The following MYT1 variants were observed in gnomAD, a reference collection of about 807,000 sequenced individuals.
MYT1 encodes the protein myelin transcription factor I.
In MYT1, 23 loss-of-function variants were observed where a neutral mutation model predicts 123.0. That is an observed-to-expected ratio of 0.19 (90% CI 0.13 to 0.26). MYT1 has a LOEUF of 0.26. Among genes scored for constraint, MYT1 ranks in the 10% least tolerant of loss-of-function variants. The pLI, the probability that MYT1 is intolerant of heterozygous loss-of-function variation, is 1.00. For synonymous variants in MYT1, 518 were observed against 575.3 expected (o/e 0.90, Z 1.43); for missense variants, 1,125 against 1,472.5 (o/e 0.76, Z 3.86).
At chr20:64,224,335 C>G (rs1984103516) in intron 16 of MYT1, among the ~76,000 whole-genome samples, 1 of 152,170 alleles carries the variant, frequency 6.6e-6, no homozygotes, top group Non-Finnish European at 1.5e-5. Context: ...ACTGGTGCCT[C>G]TAAGATGAGG....
intron 21 of MYT1, among the ~76,000 whole-genome samples, chr20:64,239,054 G>A (rs1775371085): frequency 1.3e-5 from 2 of 152,222 alleles, no homozygotes; most frequent in African/African-American, 4.8e-5. Flanking sequence ...CACCCACACT[G>A]TCTTTCTGTG....
chr20:64,215,429 A>C (rs1983807342), intron 10 of MYT1, among the ~76,000 whole-genome samples: 1 of 152,092 alleles, frequency 6.6e-6, no homozygotes, highest in Non-Finnish European at 1.5e-5. Flanking sequence ...GGCCCTTTTG[A>C]TTCTATCCAG....
At position 64,239,757 on chromosome 20, in the gene MYT1, C is replaced by T. The variant is rs1192321738; in HGVS notation, c.3094-3C>T. The T allele has an allele frequency of 6.2e-7, 1 of 1,613,706 alleles. No individual in the cohort carries two copies. Among genetic ancestry groups the T allele is most frequent in the African/African-American group, 1.3e-5 (1 of 74,934 alleles). On this transcript the variant is annotated splice_polypyrimidine_tract_variant and splice_region_variant and intron_variant, in intron 21 of 22. Transcript: ENST00000328439. ...CGGCACTTCGAATCTCTCTCTGGCACAGATCTCCTCCATGGAGAAGAACCT... is the reference window on the plus strand; with the variant it reads ...CGGCACTTCGAATCTCTCTCTGGCATAGATCTCCTCCATGGAGAAGAACCT...
At chr20:64,170,893 A>G (rs1982250186) in intron 1 of MYT1, among the ~76,000 whole-genome samples, 1 of 60,658 alleles carries the variant, frequency 1.6e-5, no homozygotes, top group Non-Finnish European at 3.1e-5. Flanking sequence ...ATAGAGAGAG[A>G]GAGAGAGAGA....
intron 2 of MYT1, among the ~76,000 whole-genome samples, chr20:64,198,661 G>T (rs1055688084): frequency 5.9e-5 from 9 of 152,190 alleles, no homozygotes; most frequent in Non-Finnish European, 1.3e-4. Context: ...CTTGTAGAAG[G>T]TCCTTTCTCT....
intron 11 of MYT1, among the ~76,000 whole-genome samples, chr20:64,217,824 T>C (rs1039271094): frequency 5.9e-5 from 9 of 152,270 alleles, no homozygotes; most frequent in African/African-American, 2.2e-4. Context: ...TCTGTGACAT[T>C]AGTAACAAAT....
chr20:64,241,952 A>C lies in MYT1; in HGVS notation c.*1504A>C, dbSNP rs1297871531. The C allele has an allele frequency of 6.6e-6, 1 of 152,312 alleles. No homozygotes were observed. The highest frequency in any genetic ancestry group is 1.9e-4 in the East Asian group (1 of 5,202). The allele number at this position is 152,312 out of a possible 1,614,324, so 9.4% of individuals were successfully genotyped here. On this transcript the variant is annotated 3_prime_UTR_variant, in exon 23 of 23. Coordinates refer to ENST00000328439, the MANE Select transcript of MYT1 (RefSeq NM_004535.3). This position sits in a 1 kb window ranked among gnomAD's most constrained non-coding sequence, Gnocchi z 4.2. ...ATTTTGGGTTCCTTTTGTTTCAGGC[A>C]CGGATAACAGCAAATGGAATTCTGT...
intron 7 of MYT1, 123 bp from the exon 8 acceptor site, chr20:64,211,083 C>T (rs1601715072): frequency 3.8e-5 from 42 of 1,092,136 alleles, no homozygotes; most frequent in Non-Finnish European, 5.4e-5. Context: ...TGTTCAAGCT[C>T]ATGGGCAGTC....
intron 1 of MYT1, among the ~76,000 whole-genome samples, chr20:64,187,301 A>G (rs1340354425): frequency 1.3e-4 from 16 of 123,090 alleles, no homozygotes; most frequent in East Asian, 2.6e-4. Context: ...GTTTTCCTGT[A>G]GCACGTGGCT....
chr20:64,235,736 CTGTGGTGGGTGA>C (rs1984506969), intron 19 of MYT1, among the ~76,000 whole-genome samples: 1 of 108,630 alleles, frequency 9.2e-6, no homozygotes, highest in African/African-American at 4.6e-5. Context: ...CCTTGGCTGG[CTGTGGTGGGTGA>C]CCCTTGGATG....
At chr20:64,170,695 T>C (rs1982225459) in intron 1 of MYT1, among the ~76,000 whole-genome samples, 1 of 150,984 alleles carries the variant, frequency 6.6e-6, no homozygotes, top group South Asian at 2.1e-4. Context: ...GGCTGGCTTA[T>C]TTAGAGTTTT....
chr20:64,223,138 C>G lies in MYT1; in HGVS notation c.2424C>G (p.Ser808Arg), dbSNP rs1402140038. ...GTCCCACCCCTGGCTGTGACGGCAG[C>G]GGCCACATCACCGGGAACTACGCCT... is the stretch of plus-strand genomic sequence containing the variant. The part of the protein sequence containing the change: ...LTCPTPGCDG[S>R]GHITGNYASH... Residue 808 changes from serine to arginine, a missense_variant, in exon 15 of 23, where the codon AGC becomes AGG. Transcript: ENST00000328439. 1 of 1,614,152 alleles carries G rather than the reference C, an allele frequency of 6.2e-7. No individual in the cohort carries two copies. Among genetic ancestry groups the G allele is most frequent in the South Asian group, 1.1e-5 (1 of 91,068 alleles).
rs1983463870 is a variant in MYT1, at chr20:64,205,548, C to T, written c.150-5C>T. On this transcript the variant is annotated splice_polypyrimidine_tract_variant and splice_region_variant and intron_variant, in intron 5 of 22. Coordinates refer to ENST00000328439, the MANE Select transcript of MYT1 (RefSeq NM_004535.3). ...TCCTCTCCACTGCCTACTCCTCCCT[C>T]CCAGTTTACAGAGCTGCCCCCTGGC... is the stretch of plus-strand genomic sequence containing the variant. The T allele has an allele frequency of 1.2e-6, 2 of 1,613,698 alleles. No individual in the cohort carries two copies. The highest frequency in any genetic ancestry group is 1.7e-5 in the Admixed American group (1 of 59,996).
At chr20:64,187,632 C>A (rs527727892) in intron 1 of MYT1, among the ~76,000 whole-genome samples, 1 of 152,388 alleles carries the variant, frequency 6.6e-6, no homozygotes, top group Admixed American at 6.5e-5. Flanking sequence ...TGGGGTGGAG[C>A]CTACTGAGCC....
rs2145737756 is a variant in MYT1, at chr20:64,237,278, C to T, written c.2990-9C>T. 1.2e-6 allele frequency: 2 copies of T among 1,608,632 alleles called. No homozygotes were observed. The highest frequency in any genetic ancestry group is 1.7e-6 in the Non-Finnish European group (2 of 1,178,076). The stretch of plus-strand genomic sequence containing the variant: ...CCAAAGCCACAACTGAGGTTTCTCT[C>T]TGGGTCAGTGTTGGAGAATGATGAG... On this transcript the variant is annotated splice_polypyrimidine_tract_variant and intron_variant, in intron 20 of 22. Transcript: ENST00000328439.
At chr20:64,194,781 C>T (rs758739834) in intron 2 of MYT1, among the ~76,000 whole-genome samples, 21 of 152,222 alleles carry the variant, frequency 1.4e-4, no homozygotes, top group Non-Finnish European at 2.5e-4. Flanking sequence ...GGCACAAAGC[C>T]CGTTGGGCTT....
At chr20:64,235,229 G>T (rs1484236487) in intron 19 of MYT1, among the ~76,000 whole-genome samples, 2 of 73,746 alleles carry the variant, frequency 2.7e-5, no homozygotes, top group Non-Finnish European at 4.7e-5. Flanking sequence ...TGTGTGACCC[G>T]GGGCTGGCCG....
intron 18 of MYT1, 45 bp downstream of exon 18, chr20:64,228,016 G>C: frequency 6.3e-7 from 1 of 1,575,114 alleles, no homozygotes; most frequent in Non-Finnish European, 8.7e-7. Flanking sequence ...GCGGAATTGA[G>C]ATTTTCGTGT....
intron 17 of MYT1, 75 bp from the exon 18 acceptor site, chr20:64,227,813 A>G: frequency 8.9e-5 from 56 of 626,120 alleles, no homozygotes; most frequent in Non-Finnish European, 1.4e-4. Flanking sequence ...GCTTGAGGGG[A>G]GAGGGTGAGA....
Sources: allele counts gnomAD v4.1 joint callset (sites outside exome capture counted in the v4.1 genomes callset), GRCh38; gene constraint gnomAD v4.1.1; non-coding constraint Gnocchi (gnomAD v3.1); transcripts MANE v1.5; gene names NCBI Gene and HGNC (gene_info 2026-07-23, HGNC 2026-07-21).